MAMLD1: variants seen among roughly 807,000 people sequenced by gnomAD.
The protein encoded by MAMLD1 is mastermind-like domain-containing protein 1.
A neutral mutation model predicts 45.0 loss-of-function variants in MAMLD1; 14 were observed. That is an observed-to-expected ratio of 0.31 (90% CI 0.21 to 0.49). MAMLD1 has a LOEUF of 0.49. Among genes scored for constraint, MAMLD1 ranks in the 20% least tolerant of loss-of-function variants. The pLI, the probability that MAMLD1 is intolerant of heterozygous loss-of-function variation, is 0.99. For missense variants in MAMLD1, 543 were observed against 603.6 expected, an observed-to-expected ratio of 0.90 and a Z score of 1.05; for synonymous variants, 254 against 247.8, an observed-to-expected ratio of 1.02 and a Z score of -0.24.
rs782041981 is a variant in MAMLD1 at position 150,410,815 on chromosome X, C to A, written c.-63-34639C>A. Among the ~76,000 whole-genome samples the A allele has an allele frequency of 2.9e-4, 32 of 111,871 alleles. No homozygotes were observed. In the South Asian group the frequency reaches 0.012, roughly 40 times the overall value. On this transcript the variant is annotated intron_variant, in intron 1 of 7. Transcript: ENST00000370401. ...GGCAGAGCTAAGATTCAAACACAGA[C>A]CACTGGGTGCCAGAGTTCAGCTTGA...
intron 5 of MAMLD1, among the ~76,000 whole-genome samples, chrX:150,498,263 G>A (rs1284023533): frequency 9.0e-6 from 1 of 111,690 alleles, no homozygotes; most frequent in East Asian, 2.8e-4. Context: ...GTTAATTAAT[G>A]CTGCTGCTAA....
intron 5 of MAMLD1, among the ~76,000 whole-genome samples, chrX:150,501,719 T>A (rs1018763): frequency 0.46 from 50,779 of 111,527 alleles, 8,217 homozygotes; most frequent in East Asian, 0.65. Flanking sequence ...ATTTATAATT[T>A]GTTCTTAAAA....
intron 1 of MAMLD1, among the ~76,000 whole-genome samples, chrX:150,393,342 C>T (rs2033269297): frequency 8.9e-6 from 1 of 112,188 alleles, no homozygotes; most frequent in Non-Finnish European, 1.9e-5. Context: ...TATCCATTCA[C>T]CTACTGAAGA....
In MAMLD1 at chrX:150,398,251, G is replaced by A. The variant is rs193161862; in HGVS notation, c.-64+34721G>A. Among the ~76,000 whole-genome samples the A allele has an allele frequency of 7.5e-3, 641 of 85,161 alleles. 6 individuals are homozygous for A. Among genetic ancestry groups the A allele is most frequent in the Non-Finnish European group, 0.01 (455 of 43,688 alleles). The allele number at this position is 85,161 out of a possible 115,157, so 74.0% of individuals were successfully genotyped here. ...AGGAGAAGAAGGAGAAGGAGGAGAA[G>A]GAGAAGAAGAAGAAGAAGAAGAAGA... On this transcript the variant is annotated intron_variant, in intron 1 of 7. Coordinates refer to ENST00000370401, the MANE Select transcript of MAMLD1 (RefSeq NM_005491.5).
At chrX:150,409,227 A>C (rs2034067159) in intron 1 of MAMLD1, among the ~76,000 whole-genome samples, 1 of 111,730 alleles carries the variant, frequency 9.0e-6, no homozygotes, top group African/African-American at 3.3e-5. Context: ...GTGGTGCTTC[A>C]GAGTGTCTCA....
Position 150,512,558 on chromosome X carries a change from G to A in MAMLD1, c.*599G>A, listed in dbSNP as rs1321829751. On this transcript the variant is annotated 3_prime_UTR_variant, in exon 8 of 8. Transcript: ENST00000370401. Reference sequence around the variant, plus strand: ...ATCTGATTGGGAGGCACAAGTGCCCGCTGCGATGGGAACACAAGTGCCCCT... The same window carrying A: ...ATCTGATTGGGAGGCACAAGTGCCCACTGCGATGGGAACACAAGTGCCCCT... 6.9e-6 allele frequency: 8 copies of A among 1,154,444 alleles called. No individual in the cohort carries two copies. The East Asian group carries it at 9.8e-5, about 14-fold the overall frequency.
intron 1 of MAMLD1, among the ~76,000 whole-genome samples, chrX:150,370,499 G>C (rs1557400965): frequency 9.0e-6 from 1 of 111,691 alleles, no homozygotes; most frequent in Non-Finnish European, 1.9e-5. Context: ...AGTTAGTCAG[G>C]GGGTTGTCCA....
In MAMLD1 at chrX:150,503,364, A is replaced by G; in HGVS notation, c.2131A>G (p.Ser711Gly). Residue 711 changes from serine (S) to glycine (G), a missense_variant, in exon 6 of 8, where the codon AGT (serine) becomes GGT (glycine). Transcript: ENST00000370401. ...RQPPSCQALG[S>G]ESFLPGSSFA... Reference sequence around the variant, plus strand: ...GCCCCCGTCCTGCCAGGCCCTGGGGAGTGAGTCCTTCCTGCCCGGCAGCTC... The same window carrying G: ...GCCCCCGTCCTGCCAGGCCCTGGGGGGTGAGTCCTTCCTGCCCGGCAGCTC... The G allele has an allele frequency of 8.3e-7, 1 of 1,211,400 alleles. No individual in the cohort carries two copies. Among genetic ancestry groups the G allele is most frequent in the Non-Finnish European group, 1.1e-6 (1 of 894,858 alleles).
intron 1 of MAMLD1, among the ~76,000 whole-genome samples, chrX:150,403,649 G>T (rs1569564673): frequency 9.1e-6 from 1 of 109,525 alleles, no homozygotes; most frequent in East Asian, 2.9e-4. Context: ...AACATGGAAA[G>T]ATGAGCAAGG....
At chrX:150,464,721 G>A (rs987701126) in intron 3 of MAMLD1, among the ~76,000 whole-genome samples, 3 of 111,437 alleles carry the variant, frequency 2.7e-5, no homozygotes, top group Admixed American at 1.9e-4. Context: ...CCTCCATCAT[G>A]CCCCACGACA....
chrX:150,465,439 G>A (rs1458617483), intron 3 of MAMLD1, among the ~76,000 whole-genome samples: 1 of 112,098 alleles, frequency 8.9e-6, no homozygotes, highest in Non-Finnish European at 1.9e-5. Flanking sequence ...CTAGGGGGTG[G>A]GGAGGCCATC....
intron 5 of MAMLD1, 107 bp from the exon 6 acceptor site, chrX:150,503,166 TA>T: frequency 2.8e-6 from 2 of 704,773 alleles, no homozygotes; most frequent in Non-Finnish European, 4.6e-6. Flanking sequence ...TTGGTGGGTA[TA>T]ACCACAACAC....
chrX:150,473,581 C>T, intron 4 of MAMLD1, 99 bp from the exon 5 acceptor site: 4 of 821,365 alleles, frequency 4.9e-6, no homozygotes, highest in African/African-American at 2.0e-5. Context: ...GCCGGGGGAG[C>T]GGTGTGGAGA....
rs782336625 is a variant in MAMLD1, at chrX:150,473,677, T to C, written c.1918-3T>C. The C allele has an allele frequency of 2.5e-6, 3 of 1,211,085 alleles. No individual in the cohort carries two copies. The highest frequency in any genetic ancestry group is 1.8e-5 in the South Asian group (1 of 56,919). Reference sequence around the variant, plus strand: ...GGAGCACTTTGGTTTGATTTTATTATAGGGCTGTTGCCATCTGTTTGCATG... The same window carrying C: ...GGAGCACTTTGGTTTGATTTTATTACAGGGCTGTTGCCATCTGTTTGCATG... On this transcript the variant is annotated splice_region_variant and splice_polypyrimidine_tract_variant and intron_variant, in intron 4 of 7. Transcript: ENST00000370401.
intron 1 of MAMLD1, among the ~76,000 whole-genome samples, chrX:150,367,436 T>C (rs1269688733): frequency 8.9e-6 from 1 of 111,978 alleles, no homozygotes; most frequent in Non-Finnish European, 1.9e-5. Flanking sequence ...TAATGGATGG[T>C]CCCTAGGAAA....
Position 150,513,552 on chromosome X carries a change from T to C in MAMLD1, c.*1593T>C, listed in dbSNP as rs1766539619. On this transcript the variant is annotated 3_prime_UTR_variant, in exon 8 of 8. Coordinates refer to ENST00000370401, the MANE Select transcript of MAMLD1 (RefSeq NM_005491.5). ...ATAGAAAACCACTTGGCCATTTATT[T>C]CTATGTTCACTAAAAATCCTATTGC... 2.0e-5 allele frequency: 6 copies of C among 296,612 alleles called. No homozygotes were observed. The highest frequency in any genetic ancestry group is 5.5e-5 in the African/African-American group (2 of 36,497). The allele number at this position is 296,612 out of a possible 1,213,427, so 24.4% of individuals were successfully genotyped here. A position where few individuals can be genotyped will look rare whatever the true frequency, so the allele number is the denominator to read the frequency against.
In MAMLD1 at chrX:150,512,746, GGCTGCTGCTGCCACC is replaced by G. The variant is rs1569565078; in HGVS notation, c.*799_*813del. ...AGGGCATCGAGCCACCAAGCTATGTGGCTGCTGCTGCCACCGCTGCTGCTGCTTCTGCCGTTGCTG... is the reference window on the plus strand; with the variant it reads ...AGGGCATCGAGCCACCAAGCTATGTGGCTGCTGCTGCTTCTGCCGTTGCTG... On this transcript the variant is annotated 3_prime_UTR_variant, in exon 8 of 8. Coordinates refer to ENST00000370401, the MANE Select transcript of MAMLD1 (RefSeq NM_005491.5). The G allele has an allele frequency of 8.7e-7, 1 of 1,155,177 alleles. No homozygotes were observed. The highest frequency in any genetic ancestry group is 1.1e-6 in the Non-Finnish European group (1 of 872,304).
chrX:150,416,997 TTTTC>T (rs1366084033), intron 1 of MAMLD1, among the ~76,000 whole-genome samples: 1,493 of 110,767 alleles, frequency 0.013, 18 homozygotes, highest in African/African-American at 0.047. Context: ...ACATAGTCTT[TTTTC>T]TTTCTTTCTT....
chrX:150,428,039 G>A (rs1354009216), intron 1 of MAMLD1, among the ~76,000 whole-genome samples: 1 of 111,115 alleles, frequency 9.0e-6, no homozygotes, highest in African/African-American at 3.3e-5. Flanking sequence ...AGAGGTCGTA[G>A]ATAATGTAAG....
Sources: gnomAD v4.1 joint callset for allele counts (sites outside exome capture counted in the v4.1 genomes callset) on GRCh38, gnomAD v4.1.1 for gene constraint, MANE v1.5 for transcripts, NCBI Gene and HGNC (gene_info 2026-07-23, HGNC 2026-07-21) for gene names.